The following CAMTA2 variants were observed in gnomAD, a reference collection of about 807,000 sequenced individuals.
CAMTA2 encodes the protein calmodulin binding transcription activator 2, also known as calmodulin-binding transcription activator 2.
CAMTA2 carries 56 observed loss-of-function variants against 135.7 expected under a neutral mutation model. The ratio of observed to expected loss-of-function variants is 0.41; its 90% CI spans 0.33 to 0.52. The LOEUF (loss-of-function observed/expected upper bound fraction) is 0.52. Ranked by LOEUF, CAMTA2 falls within the 20% of genes least tolerant of loss-of-function variation. The pLI is 0.16. For missense variants in CAMTA2, 1,358 were observed against 1,553.4 expected (o/e 0.87, Z 2.11); for synonymous variants, 591 against 604.6 (o/e 0.98, Z 0.33).
At chr17:4,971,025 C>T (rs565079948) in intron 16 of CAMTA2, among the ~76,000 whole-genome samples, 3 of 152,342 alleles carry the variant, frequency 2.0e-5, no homozygotes, top group African/African-American at 7.2e-5. Flanking sequence ...CTCAACACAA[C>T]CTACTTGTGG....
chr17:4,985,549 G>A (rs1169632038), intron 3 of CAMTA2, among the ~76,000 whole-genome samples: 4 of 151,910 alleles, frequency 2.6e-5, no homozygotes, highest in East Asian at 1.9e-4. Flanking sequence ...TCAGCCTCTC[G>A]AGTAGCTGGG....
At chr17:4,981,157 C>T (rs1333771216) in intron 8 of CAMTA2, 68 bp downstream of exon 8, 3 of 1,550,058 alleles carry the variant, frequency 1.9e-6, no homozygotes, top group Non-Finnish European at 2.6e-6. Context: ...AGATGGATAT[C>T]CCCCTGGCTT....
chr17:4,968,202 G>T lies in CAMTA2; in HGVS notation c.*554C>A. The T allele has an allele frequency of 3.9e-6, 1 of 255,396 alleles. No homozygotes were observed. Among genetic ancestry groups the T allele is most frequent in the Non-Finnish European group, 7.7e-6 (1 of 130,676 alleles). The allele number at this position is 255,396 out of a possible 1,614,324, so 15.8% of individuals were successfully genotyped here. ...GACCCCTCCCCTCGGGGGACGGGGCGGACTCCGCAACGCGTTCCTATGTAC... is the reference window on the plus strand; with the variant it reads ...GACCCCTCCCCTCGGGGGACGGGGCTGACTCCGCAACGCGTTCCTATGTAC... On this transcript the variant is annotated 3_prime_UTR_variant, in exon 23 of 23. Transcript: ENST00000348066.
In CAMTA2 at chr17:4,982,870, G is replaced by A; in HGVS notation, c.226C>T (p.Leu76Phe). 6.2e-7 allele frequency: 1 copy of A among 1,614,212 alleles called. No homozygotes were observed. The highest frequency in any genetic ancestry group is 1.3e-5 in the African/African-American group (1 of 75,054). ...KTRPQNGSII[L>F]YNRKKVKYRK... is the part of the protein sequence containing the mutation. ...TATTTCACCTTCTTGCGATTGTAGA[G>A]GATGATGGAGCCATTCTGAGGCCTG... The change falls in exon 5 of 23, where the codon CTC becomes TTC. Residue 76 changes from leucine to phenylalanine, a missense_variant. Physicochemically the swap from Leu to Phe is conservative, Grantham distance 22 (BLOSUM62 0). Coordinates refer to ENST00000348066, the MANE Select transcript of CAMTA2 (RefSeq NM_015099.4).
At chr17:4,975,989 A>T (rs1972588858) in intron 11 of CAMTA2, among the ~76,000 whole-genome samples, 1 of 152,168 alleles carries the variant, frequency 6.6e-6, no homozygotes, top group Non-Finnish European at 1.5e-5. Flanking sequence ...TATCACTGAG[A>T]AGTAGTAGTA....
At chr17:4,985,613 G>T (rs180910221) in intron 3 of CAMTA2, among the ~76,000 whole-genome samples, 1 of 151,904 alleles carries the variant, frequency 6.6e-6, no homozygotes, top group African/African-American at 2.4e-5. Flanking sequence ...TAGTAGAGAC[G>T]GGGTTCCACC....
In CAMTA2 at chr17:4,979,757, G is replaced by A. The variant is rs781196397; in HGVS notation, c.1565C>T (p.Pro522Leu). The A allele has an allele frequency of 2.5e-6, 4 of 1,614,166 alleles. No homozygotes were observed. The highest frequency in any genetic ancestry group is 3.3e-5 in the Admixed American group (2 of 60,026). ...ELISDEAPSI[P>L]APTPQLSPAL... Reference sequence around the variant, plus strand: ...AGGAGACAGCTGGGGGGTCGGAGCAGGGATGCTTGGAGCTTCGTCACTGAT... The same window carrying A: ...AGGAGACAGCTGGGGGGTCGGAGCAAGGATGCTTGGAGCTTCGTCACTGAT... Residue 522 changes from proline (P) to leucine (L), a missense_variant, in exon 9 of 23, where the codon CCT (proline) becomes CTT (leucine). Physicochemically the swap from Pro to Leu is moderately conservative, Grantham distance 98. Around this residue, in one of 4 missense-constraint regions of CAMTA2, gnomAD observed 1,077 missense variants for 1,127.5 expected, o/e 0.96. Coordinates refer to ENST00000348066, the MANE Select transcript of CAMTA2 (RefSeq NM_015099.4).
chr17:4,984,742 C>A (rs542704743), intron 3 of CAMTA2, among the ~76,000 whole-genome samples: 9 of 152,272 alleles, frequency 5.9e-5, no homozygotes, highest in Non-Finnish European at 1.2e-4. Flanking sequence ...AGGTTCCAGC[C>A]GGGCGTGGTG....
chr17:4,970,240 G>A (rs1193021224), intron 17 of CAMTA2, 100 bp downstream of exon 17: 1 of 1,446,726 alleles, frequency 6.9e-7, no homozygotes, highest in Non-Finnish European at 9.6e-7. Flanking sequence ...AGGCCCTGGG[G>A]CCTCAGCCAG....
At chr17:4,978,996 CAG>C (rs1972796357) in intron 9 of CAMTA2, among the ~76,000 whole-genome samples, 1 of 152,236 alleles carries the variant, frequency 6.6e-6, no homozygotes, top group African/African-American at 2.4e-5. Context: ...CTGCTGAAGA[CAG>C]TCTTTCAGCT....
chr17:4,986,450 C>G, intron 1 of CAMTA2, 164 bp from the exon 2 acceptor site: 3 of 588,054 alleles, frequency 5.1e-6, no homozygotes, highest in Non-Finnish European at 6.0e-6. Context: ...GAGAACAACA[C>G]ACAGTGCCCG....
chr17:4,975,496 G>A (rs984452816), intron 11 of CAMTA2, among the ~76,000 whole-genome samples: 19 of 152,292 alleles, frequency 1.2e-4, no homozygotes, highest in African/African-American at 3.4e-4. Context: ...ACGGTAAAAC[G>A]TAGATTAGAC....
chr17:4,972,548 G>A lies in CAMTA2; in HGVS notation c.2504-12C>T, dbSNP rs747596316. ...GACGCTGCTCAGACCTGTGTGGGGA[G>A]GGAAGAGAGTGAGGGCAGCCGGAGC... On this transcript the variant is annotated splice_polypyrimidine_tract_variant and intron_variant, in intron 15 of 22. Transcript: ENST00000348066. The A allele has an allele frequency of 1.3e-6, 2 of 1,598,392 alleles. No individual in the cohort carries two copies. Among genetic ancestry groups the A allele is most frequent in the South Asian group, 1.1e-5 (1 of 89,334 alleles).
chr17:4,985,721 G>A (rs1258802059), intron 3 of CAMTA2, among the ~76,000 whole-genome samples, 159 bp downstream of exon 3: 1 of 152,108 alleles, frequency 6.6e-6, no homozygotes, highest in Non-Finnish European at 1.5e-5. Context: ...ACCATGCCCG[G>A]CCAAGATCCA....
chr17:4,987,237 G>A (rs1973407549), intron 1 of CAMTA2: 3 of 1,339,342 alleles, frequency 2.2e-6, no homozygotes, highest in Non-Finnish European at 2.9e-6. Context: ...CACTCTGGGC[G>A]GCCCCCCGGC....
rs1419124325 is a variant in CAMTA2 at position 4,981,787 on chromosome 17, C to T, written c.456G>A (p.Leu152=). The part of the protein sequence containing the change: ...VLVHYLNVPA[L]EDCGKGCSPI... ...GGCTGCAGCCCTTTCCACAGTCCTC[C>T]AGGGCTGGGACGTTCAGGTAGTGCA... Residue 152 remains leucine, a synonymous_variant, in exon 7 of 23, where the codon CTG becomes CTA. Transcript: ENST00000348066. 2 of 1,613,132 alleles carry T rather than the reference C, an allele frequency of 1.2e-6. No individual in the cohort carries two copies. The highest frequency in any genetic ancestry group is 2.2e-5 in the South Asian group (2 of 90,994).
chr17:4,980,102 T>G lies in CAMTA2; in HGVS notation c.1220A>C (p.His407Pro), dbSNP rs776651732. The G allele has an allele frequency of 1.2e-6, 2 of 1,611,402 alleles. No individual in the cohort carries two copies. Among genetic ancestry groups the G allele is most frequent in the Admixed American group, 3.3e-5 (2 of 59,814 alleles). ...AGGCTCTAGGGCAGAACAGGGGGTA[T>G]GAGCGGCCTCTGCCTCGGGGAAGTC... ...SPDFPEAEAA[H>P]TPCSALEPAA... Residue 407 changes from histidine (H) to proline (P), a missense_variant, in exon 9 of 23, where the codon CAT (histidine) becomes CCT (proline). By Grantham distance (77) the His-to-Pro change is moderately conservative. Transcript: ENST00000348066. This position sits in a 1 kb window ranked among gnomAD's most constrained non-coding sequence, Gnocchi z 5.3.
Position 4,982,004 on chromosome 17 carries a change from A to G in CAMTA2, c.411+85T>C, listed in dbSNP as rs1019991306. On this transcript the variant is annotated intron_variant, in intron 6 of 22. Transcript: ENST00000348066. ...AGGCTCCTTTCCTCACTCAGAACTCAGCCATCCTTTCACTTCCTTCTTTCA... is the reference window on the plus strand; with the variant it reads ...AGGCTCCTTTCCTCACTCAGAACTCGGCCATCCTTTCACTTCCTTCTTTCA... The G allele has an allele frequency of 8.9e-5, 117 of 1,321,364 alleles. 2 individuals carry two copies. The Admixed American group carries it at 1.9e-3, about 22-fold the overall frequency. 81.9% of individuals were successfully genotyped at this position (1,321,364 alleles called of 1,614,324 possible).
At position 4,981,245 on chromosome 17, in the gene CAMTA2, C is replaced by G; in HGVS notation, c.680G>C (p.Cys227Ser). 6.2e-7 allele frequency: 1 copy of G among 1,613,946 alleles called. No individual in the cohort carries two copies. Among genetic ancestry groups the G allele is most frequent in the Non-Finnish European group, 8.5e-7 (1 of 1,179,996 alleles). Residue 227 changes from cysteine (C) to serine (S), a missense_variant, in exon 8 of 23, where the codon TGT becomes TCT. Transcript: ENST00000348066. ...CTTACCAAGCCCCCCACTGCAGAGA[C>G]AGGCGTGGGTTCGGGGAGCAGGCTT... ...PTKPAPRTHA[C>S]LCSGGLGSGS...
Sources: gnomAD v4.1 joint callset for allele counts (sites outside exome capture counted in the v4.1 genomes callset) on GRCh38, gnomAD v4.1.1 for gene constraint, gnomAD v4.1.1 regional missense constraint, Gnocchi (gnomAD v3.1) non-coding constraint, MANE v1.5 for transcripts, NCBI Gene and HGNC (gene_info 2026-07-23, HGNC 2026-07-21) for gene names.